SRL: variants seen among roughly 807,000 people sequenced by gnomAD.
SRL encodes sarcalumenin.
In SRL, 23 loss-of-function variants were observed where a neutral mutation model predicts 39.5. The ratio of observed to expected loss-of-function variants is 0.58; its 90% CI spans 0.42 to 0.82. The LOEUF is 0.82. Ranked by LOEUF, SRL falls within the 40% of genes least tolerant of loss-of-function variation. SRL has a pLI of 0.00. For missense variants in SRL, 592 were observed against 607.8 expected, an observed-to-expected ratio of 0.97 and a Z score of 0.27; for synonymous variants, 272 against 237.4, an observed-to-expected ratio of 1.15 and a Z score of -1.34.
At chr16:4,240,941 T>C (rs1459922465) in intron 1 of SRL, among the ~76,000 whole-genome samples, 1 of 152,180 alleles carries the variant, frequency 6.6e-6, no homozygotes, top group African/African-American at 2.4e-5. Context: ...ATGCAGTGGC[T>C]GGAGCCCCCC....
chr16:4,202,592 C>CA (rs59918885), intron 3 of SRL, among the ~76,000 whole-genome samples: 33,108 of 140,066 alleles, frequency 0.24, 4,442 homozygotes, highest in African/African-American at 0.38. Context: ...GACTCCATCT[C>CA]AAAAAAAAAA....
At chr16:4,213,990 T>C (rs1162659473) in intron 1 of SRL, among the ~76,000 whole-genome samples, 1 of 152,166 alleles carries the variant, frequency 6.6e-6, no homozygotes, top group Non-Finnish European at 1.5e-5. Context: ...CATGACCTGC[T>C]GAGCTGTTCA....
chr16:4,203,013 G>C (rs2052257761), intron 3 of SRL, among the ~76,000 whole-genome samples, 153 bp downstream of exon 3: 1 of 152,318 alleles, frequency 6.6e-6, no homozygotes, highest in Non-Finnish European at 1.5e-5. Context: ...GGGGAGCCCA[G>C]ACCCAGACCC....
At chr16:4,241,590 C>T (rs1008333032) in intron 1 of SRL, among the ~76,000 whole-genome samples, 1 of 152,220 alleles carries the variant, frequency 6.6e-6, no homozygotes, top group African/African-American at 2.4e-5. Flanking sequence ...TTCTCTTACC[C>T]GAGTGGGGCC....
intron 1 of SRL, among the ~76,000 whole-genome samples, chr16:4,240,353 C>T (rs762124165): frequency 2.0e-5 from 3 of 152,144 alleles, no homozygotes; most frequent in African/African-American, 7.2e-5. Context: ...GAGGAAGCCA[C>T]CTTGTGGGTT....
chr16:4,226,526 G>C (rs2052591256), intron 1 of SRL, among the ~76,000 whole-genome samples: 1 of 151,818 alleles, frequency 6.6e-6, no homozygotes, highest in South Asian at 2.1e-4. Flanking sequence ...TGGATAAATG[G>C]AGGGACAGAT....
intron 3 of SRL, among the ~76,000 whole-genome samples, chr16:4,199,123 C>A (rs1475014517): frequency 6.6e-6 from 1 of 152,078 alleles, no homozygotes; most frequent in Admixed American, 6.6e-5. Context: ...GCAGGCCACC[C>A]TAAAAACACT....
Position 4,192,794 on chromosome 16 carries a change from C to G in SRL, c.781G>C (p.Ala261Pro). The G allele has an allele frequency of 6.2e-7, 1 of 1,614,150 alleles. No individual in the cohort carries two copies. Among genetic ancestry groups the G allele is most frequent in the Non-Finnish European group, 8.5e-7 (1 of 1,180,028 alleles). ...RIILNKADNL[A>P]TQMLMRVYGA... ...TAAACCCGCATGAGCATTTGGGTGG[C>G]CAGATTGTCAGCCTTGTTCAGGATG... Residue 261 changes from alanine (A) to proline (P), a missense_variant, in exon 6 of 6, where the codon GCC becomes CCC. Coordinates refer to ENST00000399609, the MANE Select transcript of SRL (RefSeq NM_001098814.2). This position sits in a 1 kb window ranked among gnomAD's most constrained non-coding sequence, Gnocchi z 4.0.
chr16:4,201,704 G>T (rs1314810095), intron 3 of SRL, among the ~76,000 whole-genome samples: 2 of 137,308 alleles, frequency 1.5e-5, no homozygotes, highest in Non-Finnish European at 3.1e-5. Flanking sequence ...TACCCAGGCT[G>T]GAGTGCAGTG....
intron 1 of SRL, among the ~76,000 whole-genome samples, chr16:4,235,301 C>A (rs986878361): frequency 6.6e-6 from 1 of 152,210 alleles, no homozygotes; most frequent in Non-Finnish European, 1.5e-5. Flanking sequence ...CAAAGTGAGT[C>A]CCACCAATGG....
At chr16:4,197,108 G>A (rs148919474) in intron 4 of SRL, among the ~76,000 whole-genome samples, 7 of 115,546 alleles carry the variant, frequency 6.1e-5, no homozygotes, top group South Asian at 2.8e-4. Flanking sequence ...TCACTCTGTC[G>A]CCCAGGCTGG....
intron 4 of SRL, among the ~76,000 whole-genome samples, chr16:4,196,534 T>G (rs2052147026): frequency 6.8e-6 from 1 of 146,394 alleles, no homozygotes; most frequent in Admixed American, 7.2e-5. Context: ...CAGGCTGGAG[T>G]GCAGTGGCAT....
intron 1 of SRL, among the ~76,000 whole-genome samples, chr16:4,223,194 T>A (rs547297731): frequency 8.2e-4 from 114 of 138,700 alleles, no homozygotes; most frequent in African/African-American, 2.9e-3. Flanking sequence ...ATCATGCCAC[T>A]GCACTCCAGC....
At chr16:4,215,278 TC>T (rs759701738) in intron 1 of SRL, among the ~76,000 whole-genome samples, 2 of 152,216 alleles carry the variant, frequency 1.3e-5, no homozygotes, top group Admixed American at 6.5e-5. Context: ...TTGGAAGGCT[TC>T]TTTGGCTTCC....
rs2052077182 is a variant in SRL at position 4,192,300 on chromosome 16, A to G, written c.1275T>C (p.Gly425=). 2.5e-6 allele frequency: 4 copies of G among 1,613,960 alleles called. No homozygotes were observed. Among genetic ancestry groups the G allele is most frequent in the African/African-American group, 2.7e-5 (2 of 74,900 alleles). ...CCCGCTCAATCTTCTCCAGAAAGCA[A>G]CCTCCCATGTAGGAGCACTGCTGGG... ...LLSQQCSYMG[G]CFLEKIERAI... Residue 425 remains glycine, a synonymous_variant, in exon 6 of 6, where the codon GGT becomes GGC. Coordinates refer to ENST00000399609, the MANE Select transcript of SRL (RefSeq NM_001098814.2). This position sits in a 1 kb window ranked among gnomAD's most constrained non-coding sequence, Gnocchi z 4.0.
chr16:4,204,948 G>A (rs1387921118), intron 1 of SRL, among the ~76,000 whole-genome samples: 1 of 152,162 alleles, frequency 6.6e-6, no homozygotes, highest in African/African-American at 2.4e-5. Flanking sequence ...CATCATGCTG[G>A]GAATACAGTG....
At position 4,192,706 on chromosome 16, in the gene SRL, A is replaced by T. The variant is rs2052083989; in HGVS notation, c.869T>A (p.Val290Asp). ...INVTEPPRVY[V>D]SSFWPQEYKP... Reference sequence around the variant, plus strand: ...ATACTCTTGTGGCCAGAAGGAGCTGACGTAAACCCTTGGGGGCTCTGTGAC... The same window carrying T: ...ATACTCTTGTGGCCAGAAGGAGCTGTCGTAAACCCTTGGGGGCTCTGTGAC... The change falls in exon 6 of 6, where the codon GTC becomes GAC. Residue 290 changes from valine (V) to aspartate (D), a missense_variant. Val to Asp is a radical substitution (Grantham distance 152, BLOSUM62 -3). Transcript: ENST00000399609. This position sits in a 1 kb window ranked among gnomAD's most constrained non-coding sequence, Gnocchi z 4.0. The T allele has an allele frequency of 6.2e-7, 1 of 1,614,142 alleles. No individual in the cohort carries two copies. Among genetic ancestry groups the T allele is most frequent in the African/African-American group, 1.3e-5 (1 of 75,034 alleles).
chr16:4,213,742 C>T (rs1181860486), intron 1 of SRL, among the ~76,000 whole-genome samples: 2 of 152,192 alleles, frequency 1.3e-5, no homozygotes, highest in Non-Finnish European at 2.9e-5. Context: ...ACGTGCCAGG[C>T]TCTCAGCTGG....
At chr16:4,218,824 G>T (rs2052489753) in intron 1 of SRL, among the ~76,000 whole-genome samples, 1 of 152,388 alleles carries the variant, frequency 6.6e-6, no homozygotes, top group Middle Eastern at 3.4e-3. Context: ...CGCAGAGTTA[G>T]TTAAGGAGGA....
Sources: allele counts gnomAD v4.1 joint callset (sites outside exome capture counted in the v4.1 genomes callset), GRCh38; gene constraint gnomAD v4.1.1; non-coding constraint Gnocchi (gnomAD v3.1); transcripts MANE v1.5; gene names NCBI Gene and HGNC (gene_info 2026-07-23, HGNC 2026-07-21).